GATAD2B: variants seen among roughly 807,000 people sequenced by gnomAD.
GATAD2B encodes transcriptional repressor p66-beta.
Under a neutral mutation model 64.3 loss-of-function variants are expected in GATAD2B, and 8 were observed. The ratio of observed to expected loss-of-function variants is 0.12; its 90% CI spans 0.07 to 0.22. The LOEUF (loss-of-function observed/expected upper bound fraction) is 0.22. Ranked by LOEUF, GATAD2B falls within the 10% of genes least tolerant of loss-of-function variation. The pLI, the probability that GATAD2B is intolerant of heterozygous loss-of-function variation, is 1.00. For synonymous variants in GATAD2B, 281 were observed against 271.3 expected, an observed-to-expected ratio of 1.04 and a Z score of -0.35; for missense variants, 453 against 752.0, an observed-to-expected ratio of 0.60 and a Z score of 4.65.
chr1:153,810,122 G>T lies in GATAD2B; in HGVS notation c.*55C>A. Reference sequence around the variant, plus strand: ...TGCATGCGACAGAAGTTGGGGGAATGAAAGAGGAAAGGGATAAAGGATTCA... The same window carrying T: ...TGCATGCGACAGAAGTTGGGGGAATTAAAGAGGAAAGGGATAAAGGATTCA... On this transcript the variant is annotated 3_prime_UTR_variant, in exon 11 of 11. Coordinates refer to ENST00000368655, the MANE Select transcript of GATAD2B (RefSeq NM_020699.4). The T allele has an allele frequency of 6.5e-7, 1 of 1,543,060 alleles. No individual in the cohort carries two copies. The highest frequency in any genetic ancestry group is 1.4e-5 in the African/African-American group (1 of 71,850).
At chr1:153,897,298 G>A (rs899917879) in intron 1 of GATAD2B, among the ~76,000 whole-genome samples, 1 of 152,020 alleles carries the variant, frequency 6.6e-6, no homozygotes, top group Admixed American at 6.6e-5. Context: ...GAAAGTGCTG[G>A]GATTACAGGC....
intron 1 of GATAD2B, among the ~76,000 whole-genome samples, chr1:153,860,449 C>A (rs944621246): frequency 6.6e-6 from 1 of 151,906 alleles, no homozygotes. Flanking sequence ...ATCCTCCCAC[C>A]TTAGCTTCCC....
rs375722136 is a variant in GATAD2B at position 153,813,472 on chromosome 1, G to A, written c.1217-20C>T. 112 of 1,564,878 alleles carry A rather than the reference G, an allele frequency of 7.2e-5. No homozygotes were observed. Among genetic ancestry groups the A allele is most frequent in the Non-Finnish European group, 9.4e-5 (107 of 1,135,532 alleles). ...TTTTGCCTAGATACCAACAAAAATA[G>A]TCAGTGGCTTTACATTTCCTATCTC... is the stretch of plus-strand genomic sequence containing the variant. On this transcript the variant is annotated intron_variant, in intron 7 of 10. Coordinates refer to ENST00000368655, the MANE Select transcript of GATAD2B (RefSeq NM_020699.4).
chr1:153,852,142 T>C (rs373999137), intron 1 of GATAD2B: 45 of 703,294 alleles, frequency 6.4e-5, no homozygotes, highest in East Asian at 4.9e-4. Context: ...CTGGCTGCTC[T>C]TGTCCATCTC....
intron 1 of GATAD2B, among the ~76,000 whole-genome samples, chr1:153,883,035 C>G (rs977712059): frequency 6.6e-6 from 1 of 152,054 alleles, no homozygotes; most frequent in Non-Finnish European, 1.5e-5. Context: ...CAAGGAATAA[C>G]AAGGGGGGAG....
chr1:153,809,924 C>T lies in GATAD2B; in HGVS notation c.*253G>A, dbSNP rs544949338. 2.6e-6 allele frequency: 1 copy of T among 386,882 alleles called. No homozygotes were observed. Among genetic ancestry groups the T allele is most frequent in the African/African-American group, 2.1e-5 (1 of 47,242 alleles). 24.0% of individuals were successfully genotyped at this position (386,882 alleles called of 1,614,324 possible). A position where few individuals can be genotyped will look rare whatever the true frequency, so the allele number is the denominator to read the frequency against. On this transcript the variant is annotated 3_prime_UTR_variant, in exon 11 of 11. Transcript: ENST00000368655. ...CTCTATCAGAGGTAAAGATCCACCT[C>T]ACTGTTAAAGAAAACTGAAGAGAGA... is the stretch of plus-strand genomic sequence containing the variant.
In GATAD2B at chr1:153,808,390, T is replaced by G. The variant is rs1056158982; in HGVS notation, c.*1787A>C. On this transcript the variant is annotated 3_prime_UTR_variant, in exon 11 of 11. Coordinates refer to ENST00000368655, the MANE Select transcript of GATAD2B (RefSeq NM_020699.4). ...GCCAGAGTAGGGGAACTGAGCCTGA[T>G]TTTAGCTCTTTCTCCCACCCCACCT... 1 of 152,564 alleles carries G rather than the reference T, an allele frequency of 6.6e-6. No homozygotes were observed. The highest frequency in any genetic ancestry group is 1.5e-5 in the Non-Finnish European group (1 of 68,008). The allele number at this position is 152,564 out of a possible 1,614,324, so 9.5% of individuals were successfully genotyped here.
rs1425630620 is a variant in GATAD2B, at chr1:153,851,534, C to G, written c.-1-23186G>C. ...TGATGTGTACTTCTCTGATGATTAG[C>G]AATGTTGAGCAATTTTTCATATACT... On this transcript the variant is annotated intron_variant, in intron 1 of 10. Coordinates refer to ENST00000368655, the MANE Select transcript of GATAD2B (RefSeq NM_020699.4). Among the ~76,000 whole-genome samples, 4 of 152,112 alleles carry G rather than the reference C, an allele frequency of 2.6e-5. No individual in the cohort carries two copies. The South Asian group carries it at 6.2e-4, about 24-fold the overall frequency.
rs1415290358 is a variant in GATAD2B at position 153,840,940 on chromosome 1, A to G, written c.-1-12592T>C. On this transcript the variant is annotated intron_variant, in intron 1 of 10. Transcript: ENST00000368655. The stretch of plus-strand genomic sequence containing the variant: ...GGCGATCAAGACCATCCTGGCTGAC[A>G]CGGTGAAACCCCGTCTCTACTAAAA... Among the ~76,000 whole-genome samples, 3 of 152,038 alleles carry G rather than the reference A, an allele frequency of 2.0e-5. No individual in the cohort carries two copies. In the East Asian group the frequency reaches 5.8e-4, roughly 29 times the overall value.
chr1:153,896,548 T>C (rs1419064833), intron 1 of GATAD2B, among the ~76,000 whole-genome samples: 2 of 151,266 alleles, frequency 1.3e-5, no homozygotes, highest in African/African-American at 4.9e-5. Context: ...GCAATTCTCC[T>C]GCCTCAGCCT....
Position 153,807,139 on chromosome 1 carries a change from C to T in GATAD2B, c.*3038G>A, listed in dbSNP as rs1295466001. 6.6e-6 allele frequency: 1 copy of T among 152,142 alleles called. No individual in the cohort carries two copies. Among genetic ancestry groups the T allele is most frequent in the African/African-American group, 2.4e-5 (1 of 41,422 alleles). 9.4% of individuals were successfully genotyped at this position (152,142 alleles called of 1,614,324 possible). A position where few individuals can be genotyped will look rare whatever the true frequency, so the allele number is the denominator to read the frequency against. ...TTTCAGGCTTCCAGGGAGTAAGACA[C>T]CAACCTTAAAATACTGCTTTTAGTG... On this transcript the variant is annotated 3_prime_UTR_variant, in exon 11 of 11. Transcript: ENST00000368655.
At position 153,810,060 on chromosome 1, in the gene GATAD2B, T is replaced by G. The variant is rs561408055; in HGVS notation, c.*117A>C. The G allele has an allele frequency of 3.0e-4, 299 of 1,001,084 alleles. No individual in the cohort carries two copies. Among genetic ancestry groups the G allele is most frequent in the Non-Finnish European group, 3.9e-4 (271 of 688,080 alleles). The allele number at this position is 1,001,084 out of a possible 1,614,324, so 62.0% of individuals were successfully genotyped here. ...TATTTTTTGTCTTCTGTTTTTCTGT[T>G]TTGCTTTCCGTGTATGGTAGGCACC... On this transcript the variant is annotated 3_prime_UTR_variant, in exon 11 of 11. Coordinates refer to ENST00000368655, the MANE Select transcript of GATAD2B (RefSeq NM_020699.4).
intron 1 of GATAD2B, among the ~76,000 whole-genome samples, chr1:153,871,212 G>T (rs149921397): frequency 0.018 from 2,776 of 151,878 alleles, 91 homozygotes; most frequent in African/African-American, 0.065. Context: ...GACTACAGGT[G>T]AGCACCACCA....
intron 2 of GATAD2B, among the ~76,000 whole-genome samples, chr1:153,822,573 T>C (rs1674721084): frequency 1.3e-5 from 2 of 152,138 alleles, no homozygotes; most frequent in African/African-American, 2.4e-5. Flanking sequence ...AGGGCAATGG[T>C]GCAATCTCGG....
At chr1:153,902,079 G>C (rs978905812) in intron 1 of GATAD2B, among the ~76,000 whole-genome samples, 27 of 151,478 alleles carry the variant, frequency 1.8e-4, no homozygotes, top group Non-Finnish European at 3.2e-4. Context: ...TCAGGAGTTC[G>C]AGACCAGCCT....
intron 1 of GATAD2B, among the ~76,000 whole-genome samples, chr1:153,860,179 T>C (rs1329973575): frequency 6.6e-6 from 1 of 151,150 alleles, no homozygotes; most frequent in African/African-American, 2.4e-5. Context: ...CCTCCCAAAG[T>C]GCTGGGATTA....
intron 1 of GATAD2B, among the ~76,000 whole-genome samples, chr1:153,840,309 AC>A (rs1321988560): frequency 2.0e-5 from 3 of 150,546 alleles, no homozygotes; most frequent in Non-Finnish European, 4.4e-5. Context: ...TGCTGGGGTT[AC>A]AGGCATGAGC....
intron 7 of GATAD2B, among the ~76,000 whole-genome samples, chr1:153,815,287 A>AAC (rs1233695958): frequency 1.6e-4 from 23 of 146,346 alleles, no homozygotes; most frequent in Non-Finnish European, 2.4e-4. Flanking sequence ...AAACAAAAAA[A>AAC]AAAAACAAAA....
intron 8 of GATAD2B, 58 bp from the exon 9 acceptor site, chr1:153,812,190 CTT>C (rs11264420): frequency 0.1 from 58,942 of 591,620 alleles, 1 homozygote; most frequent in South Asian, 0.13. Context: ...ACCCAATTTC[CTT>C]TTTTTTTTTT....
Sources: allele counts gnomAD v4.1 joint callset (sites outside exome capture counted in the v4.1 genomes callset), GRCh38; gene constraint gnomAD v4.1.1; transcripts MANE v1.5; gene names NCBI Gene and HGNC (gene_info 2026-07-23, HGNC 2026-07-21).